Variants in CASK observed in about 807,000 individuals in gnomAD.
CASK encodes the protein peripheral plasma membrane protein CASK.
A neutral mutation model predicts 82.9 loss-of-function variants in CASK; 4 were observed. That is an observed-to-expected ratio of 0.05 (90% confidence interval 0.02 to 0.11). The LOEUF (loss-of-function observed/expected upper bound fraction) is 0.11. Among genes scored for constraint, CASK ranks in the 10% least tolerant of loss-of-function variants. CASK has a pLI of 1.00. For synonymous variants in CASK, 259 were observed against 253.5 expected (o/e 1.02, Z -0.20); for missense variants, 358 against 720.9 (o/e 0.50, Z 5.76).
chrX:41,857,132 T>C (rs2071387877), intron 1 of CASK, among the ~76,000 whole-genome samples: 1 of 111,253 alleles, frequency 9.0e-6, no homozygotes, highest in African/African-American at 3.3e-5. Flanking sequence ...GCTCTCTTAA[T>C]CAGCTTTGAG....
At chrX:41,657,756 C>G (rs1172983843) in intron 8 of CASK, among the ~76,000 whole-genome samples, 1 of 111,045 alleles carries the variant, frequency 9.0e-6, no homozygotes, top group Non-Finnish European at 1.9e-5. Flanking sequence ...GTAAGGAATC[C>G]AGGTTTGAAG....
chrX:41,564,330 TAATG>T (rs1229705568), intron 16 of CASK, among the ~76,000 whole-genome samples: 1 of 112,531 alleles, frequency 8.9e-6, no homozygotes, highest in African/African-American at 3.2e-5. Context: ...ACATTATTCT[TAATG>T]AAGAAATATT....
intron 5 of CASK, chrX:41,724,368 GA>G (rs2068218808): frequency 8.9e-6 from 1 of 112,498 alleles, no homozygotes; most frequent in South Asian, 3.6e-4. Flanking sequence ...TTTAAATTTT[GA>G]AAGCTGATCA....
At chrX:41,853,254 T>G in intron 1 of CASK, 27 bp from the exon 2 acceptor site, 2 of 913,291 alleles carry the variant, frequency 2.2e-6, no homozygotes, top group Non-Finnish European at 3.2e-6. Flanking sequence ...CAATTTTAAT[T>G]CATTGATTCT....
intron 22 of CASK, among the ~76,000 whole-genome samples, chrX:41,537,278 A>G (rs965787169): frequency 2.7e-5 from 3 of 112,105 alleles, no homozygotes; most frequent in African/African-American, 9.7e-5. Flanking sequence ...AAATTGCCAC[A>G]CGGTCATAGG....
chrX:41,650,089 G>T (rs190325855), intron 8 of CASK, among the ~76,000 whole-genome samples: 1 of 108,424 alleles, frequency 9.2e-6, no homozygotes. Context: ...CTTTTTTTTT[G>T]TTTTCCATTT....
chrX:41,584,277 C>T (rs989742465), intron 14 of CASK: 1 of 112,892 alleles, frequency 8.9e-6, no homozygotes, highest in Non-Finnish European at 1.9e-5. Context: ...GATATATCAG[C>T]TACTTAATTC....
At chrX:41,733,052 T>A (rs1216569028) in intron 5 of CASK, among the ~76,000 whole-genome samples, 1 of 109,214 alleles carries the variant, frequency 9.2e-6, no homozygotes, top group African/African-American at 3.3e-5. Context: ...GGCAGGCGCC[T>A]GTAATCTCAG....
chrX:41,754,572 T>C (rs182330723), intron 3 of CASK, among the ~76,000 whole-genome samples: 1 of 111,617 alleles, frequency 9.0e-6, no homozygotes, highest in East Asian at 2.8e-4. Context: ...TTGTTCCCTG[T>C]GAAATGATGA....
chrX:41,828,151 A>G (rs1034083314), intron 2 of CASK, among the ~76,000 whole-genome samples: 2 of 111,969 alleles, frequency 1.8e-5, no homozygotes, highest in African/African-American at 6.5e-5. Context: ...TGTACAGGAC[A>G]GATTTGGAAT....
chrX:41,830,711 T>C (rs2070781020), intron 2 of CASK, among the ~76,000 whole-genome samples: 1 of 105,349 alleles, frequency 9.5e-6, no homozygotes, highest in Non-Finnish European at 1.9e-5. Flanking sequence ...TCCCAGCTAC[T>C]CAGGAGGCTG....
chrX:41,606,050 A>G (rs988127672), intron 12 of CASK, among the ~76,000 whole-genome samples: 1 of 111,870 alleles, frequency 8.9e-6, no homozygotes, highest in Non-Finnish European at 1.9e-5. Flanking sequence ...AATGTATACC[A>G]CAAACATTTA....
Position 41,820,673 on chromosome X carries a change from T to C in CASK, c.172+32442A>G, listed in dbSNP as rs779003249. On this transcript the variant is annotated intron_variant, in intron 2 of 26. Coordinates refer to ENST00000378163, the MANE Select transcript of CASK (RefSeq NM_001367721.1). ...ATTTACTCTAAATTGTTTATGAAAA[T>C]TTAAGTAGCTAGAATAGCCTAAACA... 5.4e-5 allele frequency among the ~76,000 whole-genome samples: 6 copies of C among 110,973 alleles called. No individual in the cohort carries two copies. The South Asian group carries it at 2.3e-3, about 42-fold the overall frequency.
At chrX:41,550,807 A>T (rs2065086576) in intron 21 of CASK, among the ~76,000 whole-genome samples, 1 of 110,393 alleles carries the variant, frequency 9.1e-6, no homozygotes, top group Non-Finnish European at 1.9e-5. Flanking sequence ...GCTACTGGGA[A>T]GGCTGAGGTG....
intron 1 of CASK, among the ~76,000 whole-genome samples, chrX:41,857,251 T>C (rs1200847595): frequency 9.0e-6 from 1 of 110,980 alleles, no homozygotes. Flanking sequence ...GCAACATCCC[T>C]AGCCTCTACT....
At chrX:41,798,556 CA>C (rs773181482) in intron 2 of CASK, among the ~76,000 whole-genome samples, 15 of 112,719 alleles carry the variant, frequency 1.3e-4, no homozygotes, top group South Asian at 1.1e-3. Context: ...AAGCTGCGGC[CA>C]GGGGCGGTGG....
chrX:41,768,877 A>G (rs1288872090), intron 3 of CASK, among the ~76,000 whole-genome samples: 1 of 112,001 alleles, frequency 8.9e-6, no homozygotes, highest in East Asian at 2.8e-4. Flanking sequence ...AAACTAAACA[A>G]CTAATGAAAG....
chrX:41,814,792 C>A (rs1377820584), intron 2 of CASK, among the ~76,000 whole-genome samples: 1 of 111,636 alleles, frequency 9.0e-6, no homozygotes, highest in Non-Finnish European at 1.9e-5. Flanking sequence ...AAAAGAGCTT[C>A]TAATCATGCA....
intron 17 of CASK, among the ~76,000 whole-genome samples, chrX:41,560,629 A>G (rs1398805844): frequency 1.9e-5 from 2 of 103,337 alleles, no homozygotes; most frequent in Admixed American, 2.1e-4. Flanking sequence ...GGTGGCTCAC[A>G]CCTGTCATCC....
Sources: gnomAD v4.1 joint callset for allele counts (sites outside exome capture counted in the v4.1 genomes callset) on GRCh38, gnomAD v4.1.1 for gene constraint, MANE v1.5 for transcripts, NCBI Gene and HGNC (gene_info 2026-07-23, HGNC 2026-07-21) for gene names.